PAPPA2: variants seen among roughly 807,000 people sequenced by gnomAD.
PAPPA2 encodes pappalysin-2.
In PAPPA2, 86 loss-of-function variants were observed where a neutral mutation model predicts 176.4. The ratio of observed to expected loss-of-function variants is 0.49; its 90% CI spans 0.41 to 0.58. PAPPA2 has a LOEUF of 0.58. Among genes scored for constraint, PAPPA2 ranks in the 20% least tolerant of loss-of-function variants. PAPPA2 has a pLI of 0.00. For synonymous variants in PAPPA2, 809 were observed against 852.2 expected (o/e 0.95, Z 0.88); for missense variants, 2,073 against 2,256.9 (o/e 0.92, Z 1.65).
intron 3 of PAPPA2, among the ~76,000 whole-genome samples, chr1:176,654,949 A>G (rs776659289): frequency 1.3e-5 from 2 of 151,846 alleles, no homozygotes; most frequent in Non-Finnish European, 2.9e-5. Flanking sequence ...AAATTCATTC[A>G]TCAAATCTGA....
intron 3 of PAPPA2, among the ~76,000 whole-genome samples, chr1:176,609,652 G>C (rs879401468): frequency 6.6e-6 from 1 of 152,188 alleles, no homozygotes; most frequent in Non-Finnish European, 1.5e-5. Flanking sequence ...AGTAGTTGGA[G>C]AAGACAGGAG....
intron 12 of PAPPA2, among the ~76,000 whole-genome samples, chr1:176,729,726 A>AAC (rs1481127774): frequency 3.9e-5 from 6 of 152,096 alleles, no homozygotes; most frequent in African/African-American, 1.4e-4. Context: ...GTCATTATTA[A>AAC]ACACACACAC....
intron 3 of PAPPA2, among the ~76,000 whole-genome samples, chr1:176,617,758 G>T (rs1655353962): frequency 6.6e-6 from 1 of 152,130 alleles, no homozygotes; most frequent in Non-Finnish European, 1.5e-5. Context: ...ACATGTGTGT[G>T]CAAGTGTATT....
chr1:176,719,811 TCTTTTG>T (rs1473110623), intron 12 of PAPPA2, among the ~76,000 whole-genome samples: 1 of 152,232 alleles, frequency 6.6e-6, no homozygotes, highest in Non-Finnish European at 1.5e-5. Flanking sequence ...GCCAATTCCC[TCTTTTG>T]ATTATCCATT....
At chr1:176,531,997 A>G (rs777318486) in intron 1 of PAPPA2, among the ~76,000 whole-genome samples, 3 of 152,078 alleles carry the variant, frequency 2.0e-5, no homozygotes, top group Non-Finnish European at 2.9e-5. Flanking sequence ...TGGCCCTGAC[A>G]TTTTGGCAGT....
At chr1:176,738,853 T>C (rs1662538279) in intron 12 of PAPPA2, among the ~76,000 whole-genome samples, 1 of 152,132 alleles carries the variant, frequency 6.6e-6, no homozygotes, top group Non-Finnish European at 1.5e-5. Context: ...TCTTTTTTTT[T>C]CTATCAAAGG....
chr1:176,701,570 A>C (rs1297393923), intron 8 of PAPPA2, among the ~76,000 whole-genome samples: 1 of 152,224 alleles, frequency 6.6e-6, no homozygotes, highest in Non-Finnish European at 1.5e-5. Flanking sequence ...AAGCCAGCAC[A>C]GAGGTTTTTA....
chr1:176,695,838 T>G lies in PAPPA2; in HGVS notation c.2725T>G (p.Trp909Gly). The G allele has an allele frequency of 7.4e-6, 12 of 1,614,044 alleles. No homozygotes were observed. Among genetic ancestry groups the G allele is most frequent in the Non-Finnish European group, 1.0e-5 (12 of 1,179,986 alleles). ...SRRVCDSSGY[W>G]TPEEAVGPPD... is the part of the protein sequence containing the mutation. ...GCGGGTGTGTGACTCCTCAGGTTAT[T>G]GGACCCCAGAGGAGGCTGTGGGTAA... is the stretch of plus-strand genomic sequence containing the variant. The change falls in exon 7 of 23, where the codon TGG becomes GGG. Residue 909 changes from tryptophan to glycine, a missense_variant. Physicochemically the swap from Trp to Gly is radical, Grantham distance 184. Around this residue, in one of 4 missense-constraint regions of PAPPA2, gnomAD observed 1,196 missense variants for 1,330.4 expected, o/e 0.90. Coordinates refer to ENST00000367662, the MANE Select transcript of PAPPA2 (RefSeq NM_020318.3).
chr1:176,706,316 T>C (rs781039848), intron 9 of PAPPA2, 43 bp from the exon 10 acceptor site: 1 of 1,532,794 alleles, frequency 6.5e-7, no homozygotes, highest in Non-Finnish European at 9.0e-7. Flanking sequence ...ACAAGAAAAT[T>C]TGTGTGTATG....
chr1:176,614,821 A>G (rs2102682627), intron 3 of PAPPA2, among the ~76,000 whole-genome samples: 2 of 152,338 alleles, frequency 1.3e-5, no homozygotes, highest in Middle Eastern at 6.8e-3. Flanking sequence ...AATGCACATC[A>G]CCATTTTATC....
chr1:176,544,135 C>A (rs1423811852), intron 1 of PAPPA2, among the ~76,000 whole-genome samples: 2 of 152,158 alleles, frequency 1.3e-5, no homozygotes, highest in Admixed American at 6.5e-5. Context: ...TATCCAGAGC[C>A]TAGGGAAGAC....
intron 3 of PAPPA2, among the ~76,000 whole-genome samples, chr1:176,660,788 A>G (rs1054367193): frequency 2.6e-5 from 4 of 152,162 alleles, no homozygotes; most frequent in Non-Finnish European, 5.9e-5. Flanking sequence ...TGGTGAGCCC[A>G]TGATAGTTCC....
intron 3 of PAPPA2, among the ~76,000 whole-genome samples, chr1:176,623,711 C>CTTTTTTCT: frequency 8.1e-6 from 1 of 123,654 alleles, no homozygotes; most frequent in African/African-American, 3.1e-5. Context: ...TCTTTCTTTT[C>CTTTTTTCT]TTCTTTCTTT....
chr1:176,717,802 C>T (rs781206819), intron 12 of PAPPA2, among the ~76,000 whole-genome samples: 3 of 152,186 alleles, frequency 2.0e-5, no homozygotes, highest in Non-Finnish European at 4.4e-5. Context: ...TAATGTTAAA[C>T]TAACATAAGA....
chr1:176,730,834 A>C (rs1476746548), intron 12 of PAPPA2, among the ~76,000 whole-genome samples: 1 of 152,054 alleles, frequency 6.6e-6, no homozygotes, highest in Admixed American at 6.6e-5. Flanking sequence ...TAATGCTCTT[A>C]TAATTTCTTT....
At chr1:176,686,245 C>T (rs970776837) in intron 4 of PAPPA2, among the ~76,000 whole-genome samples, 8 of 152,066 alleles carry the variant, frequency 5.3e-5, no homozygotes, top group South Asian at 4.1e-4. Flanking sequence ...CAGTTCAGTA[C>T]GGTTTGGGGG....
At chr1:176,758,162 T>G (rs911735795) in intron 14 of PAPPA2, among the ~76,000 whole-genome samples, 1 of 152,262 alleles carries the variant, frequency 6.6e-6, no homozygotes, top group Non-Finnish European at 1.5e-5. Flanking sequence ...GAGATTCTTC[T>G]GTTTCCCTCA....
At chr1:176,636,083 G>C in intron 3 of PAPPA2, among the ~76,000 whole-genome samples, 1 of 152,168 alleles carries the variant, frequency 6.6e-6, no homozygotes, top group South Asian at 2.1e-4. Flanking sequence ...TCCCTCTGTG[G>C]CATCTTCATA....
chr1:176,728,537 C>A (rs1661986931), intron 12 of PAPPA2, among the ~76,000 whole-genome samples: 1 of 151,858 alleles, frequency 6.6e-6, no homozygotes, highest in African/African-American at 2.4e-5. Flanking sequence ...AATGAAGAGG[C>A]ACAAACTGGT....
Sources: gnomAD v4.1 joint callset for allele counts (sites outside exome capture counted in the v4.1 genomes callset) on GRCh38, gnomAD v4.1.1 for gene constraint, gnomAD v4.1.1 regional missense constraint, MANE v1.5 for transcripts, NCBI Gene and HGNC (gene_info 2026-07-23, HGNC 2026-07-21) for gene names.